Variants in TAFA5 observed in about 807,000 individuals in gnomAD.
TAFA5 encodes the protein chemokine-like protein TAFA-5.
Under a neutral mutation model 15.3 loss-of-function variants are expected in TAFA5, and 6 were observed. The ratio of observed to expected loss-of-function variants is 0.39; its 90% CI spans 0.21 to 0.77. TAFA5 has a LOEUF of 0.77. TAFA5 is among the 30% of genes least tolerant of loss of function. The pLI, the probability that TAFA5 is intolerant of heterozygous loss-of-function variation, is 0.41. For missense variants in TAFA5, 161 were observed against 193.1 expected (o/e 0.83, Z 0.98); for synonymous variants, 103 against 80.7 (o/e 1.28, Z -1.48).
At chr22:48,749,054 A>C (rs130236) in intron 3 of TAFA5, among the ~76,000 whole-genome samples, 108,116 of 151,658 alleles carry the variant, frequency 0.71, 40,059 homozygotes, top group African/African-American at 0.87. Context: ...TGAAGAGAAT[A>C]CTCCCGGGGC....
chr22:48,704,092 G>A (rs1929002142), intron 2 of TAFA5, among the ~76,000 whole-genome samples: 1 of 152,152 alleles, frequency 6.6e-6, no homozygotes, highest in Non-Finnish European at 1.5e-5. Flanking sequence ...GCCATGGTAC[G>A]GGGTGGATGG....
intron 2 of TAFA5, among the ~76,000 whole-genome samples, chr22:48,683,321 A>G (rs542206347): frequency 2.6e-5 from 4 of 152,352 alleles, no homozygotes; most frequent in East Asian, 3.9e-4. Flanking sequence ...TTAACGCCAT[A>G]AGCTAATTAG....
At chr22:48,650,784 C>A (rs1927026012) in intron 2 of TAFA5, among the ~76,000 whole-genome samples, 1 of 151,306 alleles carries the variant, frequency 6.6e-6, no homozygotes. Context: ...TCCTTACACA[C>A]AGTATCAGCC....
At chr22:48,542,256 ATG>A (rs562143879) in intron 1 of TAFA5, among the ~76,000 whole-genome samples, 9 of 84,274 alleles carry the variant, frequency 1.1e-4, no homozygotes, top group South Asian at 4.2e-4. Context: ...ATGTGTGTGT[ATG>A]TGTGTGTGGT....
intron 1 of TAFA5, among the ~76,000 whole-genome samples, chr22:48,575,047 G>A (rs1045291972): frequency 3.9e-5 from 6 of 152,170 alleles, no homozygotes; most frequent in African/African-American, 1.2e-4. Context: ...CAGATGTGCC[G>A]TTTTCAGAAG....
chr22:48,670,277 A>G (rs771532763), intron 2 of TAFA5, among the ~76,000 whole-genome samples: 1 of 152,214 alleles, frequency 6.6e-6, no homozygotes, highest in Non-Finnish European at 1.5e-5. Context: ...ATTGGATACC[A>G]TTCCTTTATC....
intron 2 of TAFA5, among the ~76,000 whole-genome samples, chr22:48,692,948 G>A (rs35142440): frequency 0.22 from 33,907 of 152,138 alleles, 4,088 homozygotes; most frequent in South Asian, 0.33. Context: ...GAAGGGCATC[G>A]GCGGCGCCTT....
intron 2 of TAFA5, chr22:48,693,155 C>T (rs1325699737): frequency 3.7e-6 from 3 of 806,656 alleles, no homozygotes; most frequent in Non-Finnish European, 5.8e-6. Context: ...GAGTCGAAGC[C>T]TCTGCTGGAA....
intron 1 of TAFA5, among the ~76,000 whole-genome samples, chr22:48,603,595 G>A (rs1375888964): frequency 1.3e-5 from 2 of 152,188 alleles, no homozygotes; most frequent in African/African-American, 4.8e-5. Flanking sequence ...CTCCCCAGGA[G>A]CATGGTCTCC....
intron 3 of TAFA5, among the ~76,000 whole-genome samples, chr22:48,741,927 C>T (rs939319847): frequency 6.6e-6 from 1 of 152,214 alleles, no homozygotes; most frequent in Non-Finnish European, 1.5e-5. Flanking sequence ...CTGAGTTATA[C>T]TCTGCAATAG....
rs535866302 is a variant in TAFA5, at chr22:48,748,239, C to A, written c.391-1600C>A. Reference sequence around the variant, plus strand: ...CCACAGCCCGGTGTGATGGCAAGCTCACTCTGGGGCCAATTCTGAGCCCTC... The same window carrying A: ...CCACAGCCCGGTGTGATGGCAAGCTAACTCTGGGGCCAATTCTGAGCCCTC... On this transcript the variant is annotated intron_variant, in intron 3 of 3. Coordinates refer to ENST00000402357, the MANE Select transcript of TAFA5 (RefSeq NM_001082967.3). 1.7e-3 allele frequency among the ~76,000 whole-genome samples: 259 copies of A among 152,370 alleles called. 1 individual carries two copies. Among genetic ancestry groups the A allele is most frequent in the Non-Finnish European group, 2.8e-3 (190 of 68,040 alleles).
At chr22:48,605,309 A>ATGG (rs371488053) in intron 1 of TAFA5, among the ~76,000 whole-genome samples, 1 of 64,700 alleles carries the variant, frequency 1.5e-5, no homozygotes, top group Non-Finnish European at 3.2e-5. Context: ...GATGGTGATG[A>ATGG]TGGTGGTGAT....
At chr22:48,674,470 C>T (rs547668814) in intron 2 of TAFA5, among the ~76,000 whole-genome samples, 4 of 152,274 alleles carry the variant, frequency 2.6e-5, no homozygotes, top group South Asian at 2.1e-4. Flanking sequence ...CTTTCAGGTA[C>T]GTCCCTCCTC....
chr22:48,496,985 G>A (rs1376622982), intron 1 of TAFA5, among the ~76,000 whole-genome samples: 1 of 152,220 alleles, frequency 6.6e-6, no homozygotes, highest in African/African-American at 2.4e-5. Context: ...CAGCCACCAG[G>A]GGAGGAGCTG....
At chr22:48,591,885 G>A (rs548824172) in intron 1 of TAFA5, among the ~76,000 whole-genome samples, 1 of 152,164 alleles carries the variant, frequency 6.6e-6, no homozygotes, top group Non-Finnish European at 1.5e-5. Flanking sequence ...CCAGCATCCC[G>A]GGCGCCTGGG....
chr22:48,711,934 G>A (rs1569090250), intron 3 of TAFA5, among the ~76,000 whole-genome samples: 1 of 152,250 alleles, frequency 6.6e-6, no homozygotes, highest in Non-Finnish European at 1.5e-5. Context: ...CGGGCGCTGG[G>A]CCTAAGGGTG....
intron 1 of TAFA5, among the ~76,000 whole-genome samples, chr22:48,500,565 G>C (rs576192987): frequency 2.6e-5 from 4 of 152,234 alleles, no homozygotes; most frequent in Non-Finnish European, 5.9e-5. Flanking sequence ...TGTGGAAGGC[G>C]CCGGGCCCGC....
chr22:48,715,333 G>A (rs1377723085), intron 3 of TAFA5, among the ~76,000 whole-genome samples: 1 of 152,236 alleles, frequency 6.6e-6, no homozygotes, highest in East Asian at 1.9e-4. Flanking sequence ...GAAGAGGAGC[G>A]AGGAACGTAG....
chr22:48,490,221 G>A lies in TAFA5; in HGVS notation c.112+517G>A, dbSNP rs1210885137. On this transcript the variant is annotated intron_variant, in intron 1 of 3. Transcript: ENST00000402357. The surrounding 1 kb of genome is among the most constrained non-coding windows in gnomAD (Gnocchi z 5.8). ...GCAGCTGGAGCTTCCGCTTTCCCGGGAAACGGGCTCGTCAGGCGCCTTCTG... is the reference window on the plus strand; with the variant it reads ...GCAGCTGGAGCTTCCGCTTTCCCGGAAAACGGGCTCGTCAGGCGCCTTCTG... Among the ~76,000 whole-genome samples, 1 of 152,174 alleles carries A rather than the reference G, an allele frequency of 6.6e-6. No homozygotes were observed. Among genetic ancestry groups the A allele is most frequent in the African/African-American group, 2.4e-5 (1 of 41,458 alleles).
Sources: allele counts gnomAD v4.1 joint callset (sites outside exome capture counted in the v4.1 genomes callset), GRCh38; gene constraint gnomAD v4.1.1; non-coding constraint Gnocchi (gnomAD v3.1); transcripts MANE v1.5; gene names NCBI Gene and HGNC (gene_info 2026-07-23, HGNC 2026-07-21).